COQ8A: variants seen among roughly 807,000 people sequenced by gnomAD.
COQ8A encodes atypical kinase COQ8A, mitochondrial.
A neutral mutation model predicts 65.0 loss-of-function variants in COQ8A; 51 were observed. That is an observed-to-expected ratio of 0.78 (90% CI 0.63 to 0.99). The LOEUF (loss-of-function observed/expected upper bound fraction) is 0.99, where lower values mean the gene tolerates loss of function less well. COQ8A is among the 50% of genes least tolerant of loss of function. The pLI is 0.00. For missense variants in COQ8A, 940 were observed against 875.0 expected, an observed-to-expected ratio of 1.07 and a Z score of -0.94; for synonymous variants, 371 against 353.2, an observed-to-expected ratio of 1.05 and a Z score of -0.57.
At chr1:226,984,027 G>T in intron 10 of COQ8A, 67 bp from the exon 11 acceptor site, 3 of 1,506,994 alleles carry the variant, frequency 2.0e-6, no homozygotes, top group Non-Finnish European at 2.7e-6. Context: ...TGGTTGGGGG[G>T]TGTGTGTGGG....
intron 4 of COQ8A, among the ~76,000 whole-genome samples, chr1:226,967,992 T>C (rs1658663101): frequency 6.6e-6 from 1 of 152,204 alleles, no homozygotes; most frequent in Non-Finnish European, 1.5e-5. Context: ...AGTTGAACCT[T>C]TCAAACTGTA....
At chr1:226,970,884 CCT>C (rs1434388713) in intron 4 of COQ8A, among the ~76,000 whole-genome samples, 3 of 152,054 alleles carry the variant, frequency 2.0e-5, no homozygotes, top group Non-Finnish European at 4.4e-5. Context: ...GAGGAACTCT[CCT>C]CTCTCTTACA....
chr1:226,963,105 C>T (rs553859899), intron 2 of COQ8A, among the ~76,000 whole-genome samples: 57 of 152,316 alleles, frequency 3.7e-4, no homozygotes, highest in African/African-American at 1.3e-3. Context: ...TAATGGCGAG[C>T]AGGGCCTCCT....
intron 5 of COQ8A, among the ~76,000 whole-genome samples, chr1:226,981,210 G>T (rs1659663768): frequency 6.6e-6 from 1 of 152,228 alleles, no homozygotes; most frequent in Admixed American, 6.5e-5. Context: ...TCTGCCTCTG[G>T]ATAGGGGCAC....
intron 1 of COQ8A, among the ~76,000 whole-genome samples, chr1:226,956,821 C>A (rs1657802365): frequency 7.5e-6 from 1 of 132,590 alleles, no homozygotes; most frequent in African/African-American, 3.0e-5. Flanking sequence ...GGCTGCCACT[C>A]CCTGGTTCAC....
In COQ8A at chr1:226,985,145, A is replaced by G. The variant is rs527327291; in HGVS notation, c.1573-109A>G. The G allele has an allele frequency of 1.8e-4, 210 of 1,139,066 alleles. 1 individual carries two copies. The African/African-American group carries it at 3.0e-3, about 16-fold the overall frequency. 70.6% of individuals were successfully genotyped at this position (1,139,066 alleles called of 1,614,324 possible). A position where few individuals can be genotyped will look rare whatever the true frequency, so the allele number is the denominator to read the frequency against. ...ACAGCACTGGCCGGGGGCCCTGTGC[A>G]GGGAGAGGATGAGGGTGGGGTGGGC... On this transcript the variant is annotated intron_variant, in intron 13 of 14. Coordinates refer to ENST00000366777, the MANE Select transcript of COQ8A (RefSeq NM_020247.5).
chr1:226,978,154 C>T (rs1311365634), intron 5 of COQ8A, among the ~76,000 whole-genome samples: 1 of 151,072 alleles, frequency 6.6e-6, no homozygotes, highest in Non-Finnish European at 1.5e-5. Context: ...TCTTACCCTC[C>T]ACACACCCAC....
chr1:226,960,339 T>TTGG (rs1317292376), intron 1 of COQ8A, among the ~76,000 whole-genome samples: 4 of 67,864 alleles, frequency 5.9e-5, no homozygotes, highest in Admixed American at 2.9e-4. Context: ...TCAGTGGTAC[T>TTGG]TGGTGGTGGT....
chr1:226,986,731 G>A lies in COQ8A; in HGVS notation c.1938G>A (p.Gln646=), dbSNP rs1438197384. Reference sequence around the variant, plus strand: ...GCAACTACTGCAAGAGGCAGGCCCAGCAGTAGGGCTGCGGGCCACGCCCAG... The same window carrying A: ...GCAACTACTGCAAGAGGCAGGCCCAACAGTAGGGCTGCGGGCCACGCCCAG... ...AYSNYCKRQA[Q]Q The change falls in exon 15 of 15, where the codon CAG becomes CAA. Residue 646 remains glutamine (Q), a synonymous_variant. Transcript: ENST00000366777. 2 of 1,612,904 alleles carry A rather than the reference G, an allele frequency of 1.2e-6. No individual in the cohort carries two copies. The highest frequency in any genetic ancestry group is 2.7e-5 in the African/African-American group (2 of 74,944).
intron 4 of COQ8A, among the ~76,000 whole-genome samples, chr1:226,974,273 C>T (rs1348541592): frequency 6.6e-6 from 1 of 152,202 alleles, no homozygotes; most frequent in African/African-American, 2.4e-5. Context: ...TCCTTCATTG[C>T]ATAACTTCTC....
rs759857986 is a variant in COQ8A, at chr1:226,982,955, G to C, written c.1001G>C (p.Arg334Pro). 24 of 1,607,678 alleles carry C rather than the reference G, an allele frequency of 1.5e-5. No homozygotes were observed. The highest frequency in any genetic ancestry group is 2.0e-5 in the Non-Finnish European group (24 of 1,177,764). ...WRDKLEYFEE[R>P]PFAAASIGQV... ...GACAAGTTGGAATACTTCGAGGAGC[G>C]GCCCTTCGCCGCCGCATCCATTGGG... The change falls in exon 8 of 15, where the codon CGG becomes CCG. Residue 334 changes from arginine to proline, a missense_variant. Arg to Pro is a moderately radical substitution (Grantham distance 103, BLOSUM62 -2). Coordinates refer to ENST00000366777, the MANE Select transcript of COQ8A (RefSeq NM_020247.5).
chr1:226,971,464 A>G (rs950035608), intron 4 of COQ8A, among the ~76,000 whole-genome samples: 1 of 151,952 alleles, frequency 6.6e-6, no homozygotes, highest in Admixed American at 6.5e-5. Context: ...AGGCAGGAGA[A>G]TCACTTGAAC....
At chr1:226,984,803 C>T (rs1021965508) in intron 12 of COQ8A, 73 bp from the exon 13 acceptor site, 3 of 1,550,550 alleles carry the variant, frequency 1.9e-6, no homozygotes, top group African/African-American at 1.4e-5. Flanking sequence ...CTCTGTTGCA[C>T]CCCCTTCCCG....
At chr1:226,965,472 G>T in intron 3 of COQ8A, 62 bp downstream of exon 3, 3 of 1,577,984 alleles carry the variant, frequency 1.9e-6, no homozygotes, top group Non-Finnish European at 2.6e-6. Context: ...GATGGCCTTG[G>T]GCTCTGCTCT....
At chr1:226,967,983 G>A (rs1658662578) in intron 4 of COQ8A, among the ~76,000 whole-genome samples, 2 of 152,226 alleles carry the variant, frequency 1.3e-5, no homozygotes, top group South Asian at 4.1e-4. Flanking sequence ...GGCTCACCCA[G>A]TTGAACCTTT....
rs1657214433 is a variant in COQ8A at position 226,949,100 on chromosome 1, G to A, written c.-10+8701G>A. ...AGGCCCTCACCCTTGGCTAATGGGTGGGTTTTCAGACGTACAGAGATGAAG... is the reference window on the plus strand; with the variant it reads ...AGGCCCTCACCCTTGGCTAATGGGTAGGTTTTCAGACGTACAGAGATGAAG... On this transcript the variant is annotated intron_variant, in intron 1 of 14. Coordinates refer to ENST00000366777, the MANE Select transcript of COQ8A (RefSeq NM_020247.5). This position sits in a 1 kb window ranked among gnomAD's most constrained non-coding sequence, Gnocchi z 4.0. 6.6e-6 allele frequency among the ~76,000 whole-genome samples: 1 copy of A among 151,982 alleles called. No homozygotes were observed. Among genetic ancestry groups the A allele is most frequent in the Non-Finnish European group, 1.5e-5 (1 of 68,018 alleles).
At chr1:226,958,475 G>T (rs1036570751) in intron 1 of COQ8A, among the ~76,000 whole-genome samples, 1 of 152,148 alleles carries the variant, frequency 6.6e-6, no homozygotes, top group Admixed American at 6.5e-5. Context: ...GCATCAGTTG[G>T]CCCCTAGCTG....
intron 1 of COQ8A, among the ~76,000 whole-genome samples, chr1:226,947,981 A>T (rs1295778475): frequency 6.6e-6 from 1 of 152,114 alleles, no homozygotes; most frequent in Non-Finnish European, 1.5e-5. Flanking sequence ...GACCAAAGTT[A>T]ATTTAGAAGA....
chr1:226,959,997 G>A (rs1167864607), intron 1 of COQ8A, among the ~76,000 whole-genome samples: 1 of 151,782 alleles, frequency 6.6e-6, no homozygotes, highest in Non-Finnish European at 1.5e-5. Context: ...TGGTGTTGGT[G>A]CTTGGTGGTG....
Sources: gnomAD v4.1 joint callset for allele counts (sites outside exome capture counted in the v4.1 genomes callset) on GRCh38, gnomAD v4.1.1 for gene constraint, Gnocchi (gnomAD v3.1) non-coding constraint, MANE v1.5 for transcripts, NCBI Gene and HGNC (gene_info 2026-07-23, HGNC 2026-07-21) for gene names.